Variants in CHST7 observed in about 807,000 individuals in gnomAD.
CHST7 encodes the protein N-acetylglucosamine 6-O-sulfotransferase 4.
CHST7 carries 5 observed loss-of-function variants against 9.0 expected under a neutral mutation model. That is an observed-to-expected ratio of 0.56 (90% CI 0.29 to 1.17). CHST7 has a LOEUF of 1.17. CHST7 is among the 50% of genes most tolerant of loss of function. The pLI, the probability that CHST7 is intolerant of heterozygous loss-of-function variation, is 0.08. For synonymous variants in CHST7, 244 were observed against 237.1 expected (o/e 1.03, Z -0.27); for missense variants, 377 against 485.1 (o/e 0.78, Z 2.09).
rs1363972174 is a variant in CHST7 at position 46,598,162 on chromosome X, ATTAC to A, written c.*438_*441del. ...CCAAGTGCAGTCCTGTCTTGATTAA[ATTAC>A]TTAATAATATTATTAAATAATAATA... On this transcript the variant is annotated 3_prime_UTR_variant, in exon 2 of 2. Transcript: ENST00000276055. 1 of 112,304 alleles carries A rather than the reference ATTAC, an allele frequency of 8.9e-6. No individual in the cohort carries two copies. The highest frequency in any genetic ancestry group is 3.2e-5 in the African/African-American group (1 of 30,837). The allele number at this position is 112,304 out of a possible 1,213,427, so 9.3% of individuals were successfully genotyped here.
At chrX:46,580,484 GTGTGTGTGTGCGCA>G (rs749632337) in intron 1 of CHST7, among the ~76,000 whole-genome samples, 1 of 112,073 alleles carries the variant, frequency 8.9e-6, no homozygotes, top group South Asian at 3.7e-4. Flanking sequence ...AGTTAGGATG[GTGTGTGTGTGCGCA>G]TGTGTGTGTG....
Position 46,574,195 on chromosome X carries a change from C to T in CHST7, c.264C>T (p.Asn88=). The change falls in exon 1 of 2, where the codon AAC becomes AAT. Residue 88 remains asparagine (N), a synonymous_variant. Transcript: ENST00000276055. ...ACCAGTCTCCTCGGTTCCCAAGCAACCTCAGCGGCGCTGTCGGGGAGGCAG... is the reference window on the plus strand; with the variant it reads ...ACCAGTCTCCTCGGTTCCCAAGCAATCTCAGCGGCGCTGTCGGGGAGGCAG... ...GANQSPRFPS[N]LSGAVGEAVS... The T allele has an allele frequency of 8.3e-7, 1 of 1,201,130 alleles. No individual in the cohort carries two copies. Among genetic ancestry groups the T allele is most frequent in the African/African-American group, 1.7e-5 (1 of 57,760 alleles).
intron 1 of CHST7, among the ~76,000 whole-genome samples, chrX:46,586,601 GT>G (rs1465223125): frequency 8.9e-6 from 1 of 112,015 alleles, no homozygotes; most frequent in Non-Finnish European, 1.9e-5. Flanking sequence ...TACTGAGTCA[GT>G]TCCTTTATTG....
chrX:46,590,202 T>G (rs1038209216), intron 1 of CHST7, among the ~76,000 whole-genome samples: 7 of 111,746 alleles, frequency 6.3e-5, no homozygotes, highest in Non-Finnish European at 7.5e-5. Flanking sequence ...TTCCGGTCTT[T>G]AAAGCCACCC....
Position 46,573,917 on chromosome X carries a change from G to A in CHST7, c.-15G>A, listed in dbSNP as rs1942480034. 7.8e-6 allele frequency: 9 copies of A among 1,154,436 alleles called. No homozygotes were observed. Among genetic ancestry groups the A allele is most frequent in the African/African-American group, 1.8e-5 (1 of 55,950 alleles). On this transcript the variant is annotated 5_prime_UTR_variant, in exon 1 of 2. Coordinates refer to ENST00000276055, the MANE Select transcript of CHST7 (RefSeq NM_019886.4). ...GAAGACTGGCGCCCGACCCGCTCTG[G>A]AGGGTCGGTGAACGATGAAGGGCCG...
In CHST7 at chrX:46,574,943, G is replaced by A. The variant is rs1409510557; in HGVS notation, c.1012G>A (p.Asp338Asn). The A allele has an allele frequency of 8.7e-7, 1 of 1,155,507 alleles. No individual in the cohort carries two copies. Among genetic ancestry groups the A allele is most frequent in the Non-Finnish European group, 1.1e-6 (1 of 876,653 alleles). Residue 338 changes from aspartate (D) to asparagine (N), a missense_variant, in exon 1 of 2, where the codon GAT (aspartate) becomes AAT (asparagine). Physicochemically the swap from Asp to Asn is conservative, Grantham distance 23 (BLOSUM62 1). Coordinates refer to ENST00000276055, the MANE Select transcript of CHST7 (RefSeq NM_019886.4). ...SRALPAAPRA[D>N]FFLTGALEVI... ...CGCGCTGCCCGCCGCGCCGCGCGCCGATTTCTTCCTGACCGGTGCGCTCGA... is the reference window on the plus strand; with the variant it reads ...CGCGCTGCCCGCCGCGCCGCGCGCCAATTTCTTCCTGACCGGTGCGCTCGA...
chrX:46,573,860 C>A lies in CHST7; in HGVS notation c.-72C>A. 8.7e-7 allele frequency: 1 copy of A among 1,145,600 alleles called. No individual in the cohort carries two copies. Among genetic ancestry groups the A allele is most frequent in the Non-Finnish European group, 1.2e-6 (1 of 868,196 alleles). The allele number at this position is 1,145,600 out of a possible 1,213,427, so 94.4% of individuals were successfully genotyped here. On this transcript the variant is annotated 5_prime_UTR_variant, in exon 1 of 2. Transcript: ENST00000276055. ...GAGGGGCCGGGAGAGGCCACAGGAG[C>A]GGACCTGGCACGGGATTTCTGAGGA...
At position 46,575,422 on chromosome X, in the gene CHST7, G is replaced by C; in HGVS notation, c.*30G>C. 9.8e-7 allele frequency: 1 copy of C among 1,016,912 alleles called. No individual in the cohort carries two copies. The highest frequency in any genetic ancestry group is 1.2e-6 in the Non-Finnish European group (1 of 803,770). 83.8% of individuals were successfully genotyped at this position (1,016,912 alleles called of 1,213,427 possible). Reference sequence around the variant, plus strand: ...CCATCCCTGTCCCCGGCACGGATCCGGGTAAGGTGGCCCGGGGCAAGGCAG... The same window carrying C: ...CCATCCCTGTCCCCGGCACGGATCCCGGTAAGGTGGCCCGGGGCAAGGCAG... On this transcript the variant is annotated splice_region_variant and 3_prime_UTR_variant, in exon 1 of 2. Transcript: ENST00000276055.
chrX:46,579,591 T>C (rs1375950532), intron 1 of CHST7, among the ~76,000 whole-genome samples: 5 of 112,512 alleles, frequency 4.4e-5, no homozygotes, highest in African/African-American at 1.6e-4. Context: ...AAAGAAATCA[T>C]GTAAACAGGA....
In CHST7 at chrX:46,575,130, C is replaced by G. The variant is rs1322149912; in HGVS notation, c.1199C>G (p.Ala400Gly). Residue 400 changes from alanine to glycine, a missense_variant, in exon 1 of 2, where the codon GCG becomes GGG. Transcript: ENST00000276055. ...LRFSGLRALA[A>G]LDAFALNMTR... ...TTCTCCGGGCTACGCGCGCTCGCAG[C>G]GCTCGATGCCTTCGCGCTCAACATG... is the stretch of plus-strand genomic sequence containing the variant. 3 of 1,098,307 alleles carry G rather than the reference C, an allele frequency of 2.7e-6. No homozygotes were observed. The South Asian group carries it at 6.6e-5, about 24-fold the overall frequency. 90.5% of individuals were successfully genotyped at this position (1,098,307 alleles called of 1,213,427 possible). A position where few individuals can be genotyped will look rare whatever the true frequency, so the allele number is the denominator to read the frequency against.
Position 46,574,988 on chromosome X carries a change from C to T in CHST7, c.1057C>T (p.Leu353=), listed in dbSNP as rs1477352050. ...GALEVICEAW[L]RDLLFARGAP... ...GCTCGAGGTGATCTGCGAAGCCTGG[C>T]TGCGCGATCTGCTTTTCGCGCGCGG... The change falls in exon 1 of 2, where the codon CTG becomes TTG. Residue 353 remains leucine, a synonymous_variant. Transcript: ENST00000276055. 2 of 1,144,032 alleles carry T rather than the reference C, an allele frequency of 1.7e-6. No individual in the cohort carries two copies. The highest frequency in any genetic ancestry group is 2.3e-6 in the Non-Finnish European group (2 of 873,073). 94.3% of individuals were successfully genotyped at this position (1,144,032 alleles called of 1,213,427 possible). A position where few individuals can be genotyped will look rare whatever the true frequency, so the allele number is the denominator to read the frequency against.
In CHST7 at chrX:46,575,359, G is replaced by T; in HGVS notation, c.1428G>T (p.Thr476=). The T allele has an allele frequency of 9.5e-7, 1 of 1,057,975 alleles. No individual in the cohort carries two copies. The highest frequency in any genetic ancestry group is 2.7e-5 in the South Asian group (1 of 37,221). 87.2% of individuals were successfully genotyped at this position (1,057,975 alleles called of 1,213,427 possible). ...CGGAGCAGCCCAGGGAAGGGGAGAC[G>T]CCGCTGGAGATGGATGCCGACGGCG... ...GDAEQPREGE[T]PLEMDADGAT is the part of the protein sequence containing the mutation. The change falls in exon 1 of 2, where the codon ACG becomes ACT. Residue 476 remains threonine, a synonymous_variant. Coordinates refer to ENST00000276055, the MANE Select transcript of CHST7 (RefSeq NM_019886.4).
intron 1 of CHST7, among the ~76,000 whole-genome samples, chrX:46,596,797 A>G (rs1019428720): frequency 9.1e-6 from 1 of 110,131 alleles, no homozygotes; most frequent in Non-Finnish European, 1.9e-5. Flanking sequence ...AATACAAAAA[A>G]TTAGCCAGGT....
At position 46,574,222 on chromosome X, in the gene CHST7, G is replaced by A. The variant is rs202021438; in HGVS notation, c.291G>A (p.Val97=). The part of the protein sequence containing the change: ...SNLSGAVGEA[V]SREKQHIYVH... ...TCAGCGGCGCTGTCGGGGAGGCAGT[G>A]TCTCGCGAGAAGCAGCACATCTACG... Residue 97 remains valine, a synonymous_variant, in exon 1 of 2, where the codon GTG becomes GTA. Coordinates refer to ENST00000276055, the MANE Select transcript of CHST7 (RefSeq NM_019886.4). The A allele has an allele frequency of 9.1e-6, 11 of 1,208,394 alleles. No homozygotes were observed. The East Asian group carries it at 3.0e-4, about 33-fold the overall frequency.
At position 46,575,164 on chromosome X, in the gene CHST7, C is replaced by T. The variant is rs1942492061; in HGVS notation, c.1233C>T (p.Gly411=). 3 of 1,095,799 alleles carry T rather than the reference C, an allele frequency of 2.7e-6. No homozygotes were observed. Among genetic ancestry groups the T allele is most frequent in the Non-Finnish European group, 3.5e-6 (3 of 848,222 alleles). The allele number at this position is 1,095,799 out of a possible 1,213,427, so 90.3% of individuals were successfully genotyped here. ...LDAFALNMTR[G]AAYGADRPFH... ...CCTTCGCGCTCAACATGACTCGCGG[C>T]GCGGCCTACGGCGCCGACCGGCCCT... The change falls in exon 1 of 2, where the codon GGC becomes GGT. Residue 411 remains glycine, a synonymous_variant. Coordinates refer to ENST00000276055, the MANE Select transcript of CHST7 (RefSeq NM_019886.4).
rs761094627 is a variant in CHST7, at chrX:46,576,064, C to T, written c.*31+641C>T. ...AGCGGCTCTTGCAACACTTCTTGCA[C>T]ATTGTGTGTCTCAGGCGCTTGTGTA... On this transcript the variant is annotated intron_variant, in intron 1 of 1. Coordinates refer to ENST00000276055, the MANE Select transcript of CHST7 (RefSeq NM_019886.4). Among the ~76,000 whole-genome samples, 7 of 111,090 alleles carry T rather than the reference C, an allele frequency of 6.3e-5. No individual in the cohort carries two copies. In the South Asian group the frequency reaches 1.1e-3, roughly 18 times the overall value.
chrX:46,576,484 A>C (rs1942500179), intron 1 of CHST7, among the ~76,000 whole-genome samples: 1 of 111,409 alleles, frequency 9.0e-6, no homozygotes, highest in Non-Finnish European at 1.9e-5. Context: ...GAAGATGCTA[A>C]AGTGGGGCTT....
intron 1 of CHST7, among the ~76,000 whole-genome samples, chrX:46,596,824 G>A (rs777765536): frequency 2.6e-4 from 28 of 109,627 alleles, no homozygotes; most frequent in African/African-American, 7.6e-4. Context: ...CTGCACACCT[G>A]TAGTCACAGC....
chrX:46,577,796 A>G (rs926919888), intron 1 of CHST7, among the ~76,000 whole-genome samples: 1 of 111,386 alleles, frequency 9.0e-6, no homozygotes, highest in East Asian at 2.8e-4. Context: ...TGAGGTGGAA[A>G]ACACACTCAG....
Sources: allele counts gnomAD v4.1 joint callset (sites outside exome capture counted in the v4.1 genomes callset), GRCh38; gene constraint gnomAD v4.1.1; transcripts MANE v1.5; gene names NCBI Gene and HGNC (gene_info 2026-07-23, HGNC 2026-07-21).